CR1: variants seen among roughly 807,000 people sequenced by gnomAD.
CR1 encodes the protein complement C3b/C4b receptor 1 (Knops blood group), also known as complement receptor type 1.
A neutral mutation model predicts 187.3 loss-of-function variants in CR1; 116 were observed. The observed-to-expected ratio is 0.62, with a 90% CI of 0.53 to 0.72. The LOEUF (loss-of-function observed/expected upper bound fraction) is 0.72. CR1 is among the 30% of genes least tolerant of loss of function. The probability of loss-of-function intolerance (pLI) is 0.00; values close to 1 mark genes in which losing one functional copy is unlikely to be tolerated. For synonymous variants in CR1, 576 were observed against 747.1 expected (o/e 0.77, Z 3.73); for missense variants, 1,731 against 2,110.7 (o/e 0.82, Z 3.52).
intron 4 of CR1, among the ~76,000 whole-genome samples, chr1:207,521,906 C>T (rs79836574): frequency 0.02 from 3,022 of 150,524 alleles, 96 homozygotes; most frequent in African/African-American, 0.07. Context: ...TGAGCTCAAA[C>T]GATCCACTCT....
intron 35 of CR1, among the ~76,000 whole-genome samples, chr1:207,595,234 C>A (rs544923380): frequency 6.7e-6 from 1 of 148,958 alleles, no homozygotes; most frequent in East Asian, 1.9e-4. Context: ...CACATATATA[C>A]ACACAAACAC....
At chr1:207,607,128 C>T in intron 35 of CR1, 123 bp from the exon 36 acceptor site, 2 of 662,470 alleles carry the variant, frequency 3.0e-6, no homozygotes, top group South Asian at 4.4e-5. Context: ...TTTCTTCCTT[C>T]CGAGGTCTGC....
intron 45 of CR1, among the ~76,000 whole-genome samples, chr1:207,629,781 A>G (rs1662587031): frequency 1.3e-5 from 2 of 152,206 alleles, no homozygotes; most frequent in Non-Finnish European, 2.9e-5. Flanking sequence ...GCAGTGTACC[A>G]TACCAAGTGA....
intron 43 of CR1, 139 bp downstream of exon 43, chr1:207,620,204 T>C: frequency 2.4e-6 from 2 of 821,386 alleles, no homozygotes; most frequent in Non-Finnish European, 3.6e-6. Context: ...CATCCACCTA[T>C]TCCAAAACTC....
chr1:207,500,732 C>T (rs1394232113), intron 1 of CR1, among the ~76,000 whole-genome samples: 3 of 152,108 alleles, frequency 2.0e-5, no homozygotes, highest in Non-Finnish European at 1.5e-5. Context: ...TTCTTAAAAC[C>T]TTAGACACAC....
chr1:207,504,545 A>G (rs1167180855), intron 1 of CR1, among the ~76,000 whole-genome samples: 1 of 152,184 alleles, frequency 6.6e-6, no homozygotes, highest in Non-Finnish European at 1.5e-5. Flanking sequence ...TCAGTAAAGT[A>G]TCTAGAAGAT....
In CR1 at chr1:207,567,887, T is replaced by C. The variant is rs1357146819; in HGVS notation, c.4016T>C (p.Val1339Ala). 1.9e-6 allele frequency: 3 copies of C among 1,610,852 alleles called. No individual in the cohort carries two copies. Among genetic ancestry groups the C allele is most frequent in the Admixed American group, 1.7e-5 (1 of 59,954 alleles). Residue 1339 changes from valine to alanine, a missense_variant, in exon 25 of 47, where the codon GTC becomes GCC. Val to Ala is a moderately conservative substitution (Grantham distance 64). Coordinates refer to ENST00000367049, the MANE Select transcript of CR1 (RefSeq NM_000651.6). ...NGRHTGKPLE[V>A]FPFGKAVNYT... The stretch of plus-strand genomic sequence containing the variant: ...AGACACACAGGAAAACCTCTGGAAG[T>C]CTTTCCCTTTGGAAAAGCAGTAAAT...
At chr1:207,524,987 G>T (rs1660123207) in intron 5 of CR1, among the ~76,000 whole-genome samples, 1 of 152,014 alleles carries the variant, frequency 6.6e-6, no homozygotes, top group African/African-American at 2.4e-5. Context: ...CATGGCTAGG[G>T]ACCCCTCAGG....
rs931838717 is a variant in CR1, at chr1:207,640,926, T to A, written c.*1517T>A. ...TGGAAGAGAGGGAAAAAAAACCAGC[T>A]TAAGAAAAATCAACTGATAAACTGC... On this transcript the variant is annotated 3_prime_UTR_variant, in exon 47 of 47. Transcript: ENST00000367049. 2 of 152,114 alleles carry A rather than the reference T, an allele frequency of 1.3e-5. No homozygotes were observed. The highest frequency in any genetic ancestry group is 2.9e-5 in the Non-Finnish European group (2 of 68,006). 9.4% of individuals were successfully genotyped at this position (152,114 alleles called of 1,614,324 possible). A position where few individuals can be genotyped will look rare whatever the true frequency, so the allele number is the denominator to read the frequency against.
At chr1:207,498,877 C>CAAAAA (rs56044498) in intron 1 of CR1, among the ~76,000 whole-genome samples, 1,120 of 50,064 alleles carry the variant, frequency 0.022, 74 homozygotes, top group African/African-American at 0.071. Flanking sequence ...AACTCCAAAT[C>CAAAAA]AAAAAAAAAA....
intron 46 of CR1, among the ~76,000 whole-genome samples, chr1:207,636,828 G>A (rs113149235): frequency 2.5e-4 from 38 of 152,140 alleles, no homozygotes; most frequent in Non-Finnish European, 4.6e-4. Context: ...AAATCCACAC[G>A]GCTTCTCTTG....
At chr1:207,581,601 T>A (rs1660959484) in intron 31 of CR1, among the ~76,000 whole-genome samples, 2 of 152,120 alleles carry the variant, frequency 1.3e-5, no homozygotes, top group African/African-American at 4.8e-5. Context: ...CACAAAACTT[T>A]TAATCAAATA....
intron 35 of CR1, among the ~76,000 whole-genome samples, chr1:207,598,046 A>C (rs1032476771): frequency 4.6e-5 from 7 of 152,234 alleles, no homozygotes; most frequent in African/African-American, 1.7e-4. Flanking sequence ...AAAATAAGAA[A>C]ATTTATTGGA....
chr1:207,590,087 C>T (rs1661227731), intron 35 of CR1, among the ~76,000 whole-genome samples: 1 of 152,152 alleles, frequency 6.6e-6, no homozygotes, highest in African/African-American at 2.4e-5. Context: ...GTCCAGCATT[C>T]AAATTCAGGA....
intron 1 of CR1, 35 bp downstream of exon 1, chr1:207,496,423 C>A: frequency 6.3e-7 from 1 of 1,574,980 alleles, no homozygotes. Flanking sequence ...GGCGCCCGGG[C>A]GGACGAGGAA....
chr1:207,498,889 A>T (rs1433893497), intron 1 of CR1, among the ~76,000 whole-genome samples: 1 of 149,568 alleles, frequency 6.7e-6, no homozygotes, highest in Non-Finnish European at 1.5e-5. Context: ...AAAAAAAAAA[A>T]AAAAGAAACA....
rs1187387302 is a variant in CR1, at chr1:207,609,691, G to T, written c.6295+3G>T. Reference sequence around the variant, plus strand: ...CAAGCTGCCACACTGCTCCAGGGGTGAGTGTGACCCATCAAGACTTTGCTG... The same window carrying T: ...CAAGCTGCCACACTGCTCCAGGGGTTAGTGTGACCCATCAAGACTTTGCTG... On this transcript the variant is annotated splice_donor_region_variant and intron_variant, in intron 37 of 46. Transcript: ENST00000367049. The T allele has an allele frequency of 6.4e-7, 1 of 1,563,288 alleles. No homozygotes were observed. Among genetic ancestry groups the T allele is most frequent in the Middle Eastern group, 1.7e-4 (1 of 5,780 alleles).
chr1:207,612,414 T>C lies in CR1; in HGVS notation c.6575+373T>C, dbSNP rs538722068. Among the ~76,000 whole-genome samples, 110 of 152,354 alleles carry C rather than the reference T, an allele frequency of 7.2e-4. 2 individuals are homozygous for C. In the Middle Eastern group the frequency reaches 0.017, roughly 24 times the overall value. The stretch of plus-strand genomic sequence containing the variant: ...ATTGTTTGCCCCATAAGAAGTAAGG[T>C]AGAGGTTGTCTTAAGAAACTTAAAA... On this transcript the variant is annotated intron_variant, in intron 39 of 46. Transcript: ENST00000367049.
At position 207,639,550 on chromosome 1, in the gene CR1, G is replaced by T. The variant is rs1662917457; in HGVS notation, c.*141G>T. The T allele has an allele frequency of 2.7e-6, 2 of 754,334 alleles. No homozygotes were observed. The highest frequency in any genetic ancestry group is 2.2e-6 in the Non-Finnish European group (1 of 458,988). 46.7% of individuals were successfully genotyped at this position (754,334 alleles called of 1,614,324 possible). On this transcript the variant is annotated 3_prime_UTR_variant, in exon 47 of 47. Coordinates refer to ENST00000367049, the MANE Select transcript of CR1 (RefSeq NM_000651.6). The stretch of plus-strand genomic sequence containing the variant: ...GACGCAGACATGTGCACTTGAAGAT[G>T]CTGCCCCTTCCCTGGTACCTAGCAA...
Sources: allele counts gnomAD v4.1 joint callset (sites outside exome capture counted in the v4.1 genomes callset), GRCh38; gene constraint gnomAD v4.1.1; transcripts MANE v1.5; gene names NCBI Gene and HGNC (gene_info 2026-07-23, HGNC 2026-07-21).